MACF1: variants seen among roughly 807,000 people sequenced by gnomAD.
The protein encoded by MACF1 is microtubule-actin cross-linking factor 1.
MACF1 carries 193 observed loss-of-function variants against 854.8 expected under a neutral mutation model. The observed-to-expected ratio is 0.23, with a 90% CI of 0.20 to 0.25. The LOEUF (loss-of-function observed/expected upper bound fraction) is 0.25, where lower values mean the gene tolerates loss of function less well. Among genes scored for constraint, MACF1 ranks in the 10% least tolerant of loss-of-function variants. The probability of loss-of-function intolerance (pLI) is 1.00; values close to 1 mark genes in which losing one functional copy is unlikely to be tolerated. For missense variants in MACF1, 7,722 were observed against 8,929.1 expected, an observed-to-expected ratio of 0.86 and a Z score of 5.45; for synonymous variants, 3,185 against 3,226.7, an observed-to-expected ratio of 0.99 and a Z score of 0.44.
At chr1:39,270,761 G>A (rs78047672) in intron 6 of MACF1, among the ~76,000 whole-genome samples, 2 of 152,184 alleles carry the variant, frequency 1.3e-5, no homozygotes, top group African/African-American at 2.4e-5. Flanking sequence ...CACTGATACT[G>A]TACAGGGGCC....
At chr1:39,393,196 A>AAAAAT (rs57576149) in intron 58 of MACF1, among the ~76,000 whole-genome samples, 3 of 66,566 alleles carry the variant, frequency 4.5e-5, no homozygotes, top group Admixed American at 1.6e-4. Context: ...AAAAAAAAAA[A>AAAAAT]ATATATATAT....
rs182038645 is a variant in MACF1 at position 39,105,475 on chromosome 1, C to T, written c.220+21037C>T. Reference sequence around the variant, plus strand: ...GAGGAGCGGAGCGCGACTGCCGGGCCGGGCGAGGCGGGCGGACGGCGGAGA... The same window carrying T: ...GAGGAGCGGAGCGCGACTGCCGGGCTGGGCGAGGCGGGCGGACGGCGGAGA... On this transcript the variant is annotated intron_variant, in intron 2 of 93. Coordinates refer to the MACF1 transcript ENST00000361689. This position sits in a 1 kb window ranked among gnomAD's most constrained non-coding sequence, Gnocchi z 5.9. The T allele has an allele frequency of 3.8e-3, 3,825 of 1,008,870 alleles. 90 individuals carry two copies. In the African/African-American group the frequency reaches 0.058, roughly 15 times the overall value. 62.5% of individuals were successfully genotyped at this position (1,008,870 alleles called of 1,614,324 possible). A position where few individuals can be genotyped will look rare whatever the true frequency, so the allele number is the denominator to read the frequency against.
rs149306191 is a variant in MACF1 at position 39,360,671 on chromosome 1, TATA to T, written c.12245-101_12245-99del. 441 of 262,392 alleles carry T rather than the reference TATA, an allele frequency of 1.7e-3. 1 individual carries two copies. Among genetic ancestry groups the T allele is most frequent in the East Asian group, 2.3e-3 (24 of 10,256 alleles). 16.3% of individuals were successfully genotyped at this position (262,392 alleles called of 1,614,324 possible). ...GGGCAACATATTAAGACCACATCCA[TATA>T]ATAATAATAATAATAATAATTTTTA... On this transcript the variant is annotated intron_variant, in intron 47 of 100. Coordinates refer to ENST00000564288, the MANE Select transcript of MACF1 (RefSeq NM_001394062.1).
intron 49 of MACF1, among the ~76,000 whole-genome samples, chr1:39,367,038 C>T (rs1282359946): frequency 3.3e-5 from 5 of 149,754 alleles, no homozygotes; most frequent in African/African-American, 9.9e-5. Flanking sequence ...ACCTCCTCCT[C>T]GCAAATTCAA....
chr1:39,447,042 C>T (rs1332239747), intron 80 of MACF1, among the ~76,000 whole-genome samples: 1 of 151,930 alleles, frequency 6.6e-6, no homozygotes, highest in Middle Eastern at 3.2e-3. Flanking sequence ...GTTTTTATAC[C>T]ACAAAAAGTA....
chr1:39,459,849 T>A (rs1316015496), intron 91 of MACF1: 1 of 1,304,212 alleles, frequency 7.7e-7, no homozygotes. Context: ...GTTCTGTGTT[T>A]TGTTTATTTT....
chr1:39,177,592 G>A (rs1644047417), intron 2 of MACF1, among the ~76,000 whole-genome samples: 1 of 152,136 alleles, frequency 6.6e-6, no homozygotes, highest in Admixed American at 6.6e-5. Flanking sequence ...TGGAGAGAGG[G>A]ATGATGGTGG....
rs1645797761 is a variant in MACF1, at chr1:39,291,890, A to G, written c.1786-20A>G. 1 of 1,608,524 alleles carries G rather than the reference A, an allele frequency of 6.2e-7. No homozygotes were observed. ...AAGCCAGCAGTAAATTATGTCATAT[A>G]TATATTTTTTCTTTTTCAGATGAAA... On this transcript the variant is annotated intron_variant, in intron 15 of 100. Coordinates refer to ENST00000564288, the MANE Select transcript of MACF1 (RefSeq NM_001394062.1).
At chr1:39,136,844 G>A (rs996843535) in intron 2 of MACF1, among the ~76,000 whole-genome samples, 2 of 152,124 alleles carry the variant, frequency 1.3e-5, no homozygotes, top group Non-Finnish European at 2.9e-5. Context: ...ACAGTAGGGG[G>A]CACTTGTATG....
chr1:39,102,442 G>GC (rs1403819736), intron 2 of MACF1, among the ~76,000 whole-genome samples: 49 of 149,530 alleles, frequency 3.3e-4, no homozygotes, highest in Non-Finnish European at 5.5e-4. Flanking sequence ...GGCGGGGGGG[G>GC]GGTCAAGGAA....
intron 2 of MACF1, among the ~76,000 whole-genome samples, chr1:39,096,588 CAAA>C (rs61542154): frequency 3.7e-4 from 51 of 139,134 alleles, no homozygotes; most frequent in Middle Eastern, 3.6e-3. Context: ...GACTCTATCT[CAAA>C]AAAAAAAAAA....
intron 97 of MACF1, among the ~76,000 whole-genome samples, chr1:39,477,070 T>TCTATACACACAC (rs1644906063): frequency 2.3e-5 from 1 of 43,194 alleles, no homozygotes; most frequent in African/African-American, 1.4e-4. Flanking sequence ...TATATATATA[T>TCTATACACACAC]ATATATATAT....
At chr1:39,410,390 TG>T in intron 58 of MACF1, 1 of 1,613,890 alleles carries the variant, frequency 6.2e-7, no homozygotes, top group African/African-American at 1.3e-5. Context: ...TATGATACGA[TG>T]AGGATAAATG....
At chr1:39,207,230 A>G (rs182293780) in intron 1 of MACF1, among the ~76,000 whole-genome samples, 286 of 151,262 alleles carry the variant, frequency 1.9e-3, no homozygotes, top group African/African-American at 6.7e-3. Context: ...TTGTGTTTAC[A>G]TATTATGAGG....
At chr1:39,431,505 T>C (rs180748944) in intron 66 of MACF1, among the ~76,000 whole-genome samples, 68 of 152,332 alleles carry the variant, frequency 4.5e-4, no homozygotes, top group Non-Finnish European at 4.4e-5. Context: ...GATGAACATA[T>C]GCTTTTTGAA....
chr1:39,175,160 T>G (rs531877536), intron 2 of MACF1, among the ~76,000 whole-genome samples: 19 of 152,168 alleles, frequency 1.2e-4, no homozygotes, highest in African/African-American at 4.3e-4. Flanking sequence ...AAGTAAAATC[T>G]CATCTTCCTG....
intron 2 of MACF1, among the ~76,000 whole-genome samples, chr1:39,144,107 G>T (rs575643579): frequency 3.7e-4 from 52 of 138,684 alleles, no homozygotes; most frequent in African/African-American, 1.4e-3. Context: ...TTGAGACGGA[G>T]TCTTGCTCTG....
chr1:39,413,074 G>A, intron 58 of MACF1: 1 of 1,600,980 alleles, frequency 6.2e-7, no homozygotes, highest in Non-Finnish European at 8.5e-7. Flanking sequence ...TCCAGCTGTT[G>A]CAGCAGCCAT....
chr1:39,422,095 T>G (rs535035643), intron 58 of MACF1, among the ~76,000 whole-genome samples: 29 of 151,888 alleles, frequency 1.9e-4, no homozygotes, highest in African/African-American at 7.0e-4. Context: ...AAAAAAAAAT[T>G]AAGCAACAGA....
Sources: gnomAD v4.1 joint callset for allele counts (sites outside exome capture counted in the v4.1 genomes callset) on GRCh38, gnomAD v4.1.1 for gene constraint, Gnocchi (gnomAD v3.1) non-coding constraint, MANE v1.5 for transcripts, NCBI Gene and HGNC (gene_info 2026-07-23, HGNC 2026-07-21) for gene names.